Variants in AXIN1 observed in about 807,000 individuals in gnomAD.
AXIN1 encodes axin 1.
In AXIN1, 30 loss-of-function variants were observed where a neutral mutation model predicts 76.4. The ratio of observed to expected loss-of-function variants is 0.39; its 90% CI spans 0.29 to 0.53. The LOEUF (loss-of-function observed/expected upper bound fraction) is 0.53, where lower values mean the gene tolerates loss of function less well. AXIN1 is among the 20% of genes least tolerant of loss of function. AXIN1 has a pLI of 0.66. For synonymous variants in AXIN1, 545 were observed against 501.4 expected (o/e 1.09, Z -1.16); for missense variants, 1,140 against 1,198.8 (o/e 0.95, Z 0.72).
At chr16:341,936 G>A (rs1221212123) in intron 2 of AXIN1, among the ~76,000 whole-genome samples, 1 of 152,172 alleles carries the variant, frequency 6.6e-6, no homozygotes, top group Non-Finnish European at 1.5e-5. Flanking sequence ...TGAGGATGTG[G>A]AGAAGCTTTG....
chr16:350,342 C>G (rs1219125848), intron 1 of AXIN1, among the ~76,000 whole-genome samples: 1 of 152,230 alleles, frequency 6.6e-6, no homozygotes, highest in African/African-American at 2.4e-5. Context: ...GTCACGTTTA[C>G]TCAGTTCAGT....
intron 8 of AXIN1, 30 bp from the exon 9 acceptor site, chr16:291,327 G>A (rs1238073141): frequency 6.5e-7 from 1 of 1,543,050 alleles, no homozygotes; most frequent in Non-Finnish European, 8.8e-7. Flanking sequence ...AAAGGTGGCT[G>A]TGCCGGCGGC....
chr16:319,024 C>G (rs2053377865), intron 2 of AXIN1, among the ~76,000 whole-genome samples: 1 of 152,068 alleles, frequency 6.6e-6, no homozygotes, highest in African/African-American at 2.4e-5. Context: ...AGAGCTGTGC[C>G]CAGCCCCCCA....
intron 2 of AXIN1, among the ~76,000 whole-genome samples, chr16:335,539 C>G (rs921665143): frequency 3.3e-5 from 5 of 151,818 alleles, no homozygotes; most frequent in African/African-American, 9.7e-5. Context: ...ACACCAATAA[C>G]ATAGCACCCA....
Position 346,990 on chromosome 16 carries a change from G to A in AXIN1, c.36C>T (p.Leu12=), listed in dbSNP as rs202194713. ...GAGCATCTTCGGTGAAACTTGCTCC[G>A]AGGTCCAAGGGGAAACCCTGCTCTT... The part of the protein sequence containing the change: ...NIQEQGFPLD[L]GASFTEDAPR... Residue 12 remains leucine, a synonymous_variant, in exon 2 of 11, where the codon CTC becomes CTT. Transcript: ENST00000262320. 14 of 1,614,198 alleles carry A rather than the reference G, an allele frequency of 8.7e-6. No individual in the cohort carries two copies. The highest frequency in any genetic ancestry group is 1.2e-5 in the Non-Finnish European group (14 of 1,180,038).
At chr16:312,557 C>T (rs1386099330) in intron 3 of AXIN1, among the ~76,000 whole-genome samples, 2 of 152,176 alleles carry the variant, frequency 1.3e-5, no homozygotes, top group Non-Finnish European at 2.9e-5. Flanking sequence ...CTGCACTGCA[C>T]CCAACCACCT....
intron 2 of AXIN1, among the ~76,000 whole-genome samples, chr16:319,128 C>T (rs1452554868): frequency 6.6e-6 from 1 of 152,200 alleles, no homozygotes; most frequent in Non-Finnish European, 1.5e-5. Flanking sequence ...CTGGGAGACC[C>T]TGTAGAGCCA....
intron 2 of AXIN1, among the ~76,000 whole-genome samples, chr16:327,379 G>T (rs2053606696): frequency 6.6e-6 from 1 of 152,198 alleles, no homozygotes; most frequent in Admixed American, 6.5e-5. Context: ...AAGGGCAAGA[G>T]AATGAGTCAC....
At chr16:326,368 A>ATTATATATATATATAT (rs1555483785) in intron 2 of AXIN1, among the ~76,000 whole-genome samples, 1 of 90,430 alleles carries the variant, frequency 1.1e-5, no homozygotes, top group African/African-American at 6.0e-5. Context: ...AAAAAAAAAA[A>ATTATATATATATATAT]AAAAATATAT....
intron 5 of AXIN1, among the ~76,000 whole-genome samples, chr16:302,664 G>A (rs1410627551): frequency 3.9e-5 from 6 of 152,232 alleles, no homozygotes; most frequent in African/African-American, 1.2e-4. Context: ...CCCGGGTAGC[G>A]GGTGAAAGAG....
At chr16:321,581 G>T (rs2053457440) in intron 2 of AXIN1, among the ~76,000 whole-genome samples, 1 of 152,242 alleles carries the variant, frequency 6.6e-6, no homozygotes, top group Non-Finnish European at 1.5e-5. Flanking sequence ...GGAATACGAG[G>T]TAGAAGGTGG....
chr16:339,860 G>A (rs1348788882), intron 2 of AXIN1, among the ~76,000 whole-genome samples: 6 of 152,036 alleles, frequency 3.9e-5, no homozygotes, highest in East Asian at 1.9e-4. Flanking sequence ...GCCTGGGGGC[G>A]ACCCCACCCT....
At chr16:328,339 GC>G (rs2141648116) in intron 2 of AXIN1, among the ~76,000 whole-genome samples, 1 of 152,244 alleles carries the variant, frequency 6.6e-6, no homozygotes, top group East Asian at 1.9e-4. Context: ...GCTGCAGTGA[GC>G]CATGATCATG....
At chr16:328,025 G>A (rs1050658176) in intron 2 of AXIN1, among the ~76,000 whole-genome samples, 1 of 152,190 alleles carries the variant, frequency 6.6e-6, no homozygotes, top group South Asian at 2.1e-4. Flanking sequence ...GAGGCAGAAT[G>A]CCTTAAAGCC....
intron 8 of AXIN1, chr16:291,666 T>G (rs915696208): frequency 2.2e-5 from 8 of 361,980 alleles, no homozygotes; most frequent in Admixed American, 8.0e-5. Flanking sequence ...TCCCCACCGA[T>G]AGCGTGGACA....
At chr16:347,196 G>T in intron 1 of AXIN1, 90 bp from the exon 2 acceptor site, 1 of 1,134,444 alleles carries the variant, frequency 8.8e-7, no homozygotes, top group South Asian at 1.4e-5. Flanking sequence ...TCACGATGAC[G>T]CCCTCCCGCT....
intron 1 of AXIN1, among the ~76,000 whole-genome samples, chr16:350,049 CA>C (rs1273905876): frequency 6.6e-6 from 1 of 152,198 alleles, no homozygotes; most frequent in Non-Finnish European, 1.5e-5. Context: ...CTCGGCCTCC[CA>C]AAGTGTTGGG....
chr16:310,226 C>T (rs1425572165), intron 3 of AXIN1, among the ~76,000 whole-genome samples, 157 bp from the exon 4 acceptor site: 1 of 152,196 alleles, frequency 6.6e-6, no homozygotes, highest in African/African-American at 2.4e-5. Flanking sequence ...GTGATGCAGG[C>T]ACCCATGTGT....
intron 5 of AXIN1, among the ~76,000 whole-genome samples, chr16:300,985 T>G (rs1452674431): frequency 6.6e-6 from 1 of 152,184 alleles, no homozygotes; most frequent in Non-Finnish European, 1.5e-5. Flanking sequence ...TGAAAATAGG[T>G]TATTTAAAAA....
Sources: allele counts gnomAD v4.1 joint callset (sites outside exome capture counted in the v4.1 genomes callset), GRCh38; gene constraint gnomAD v4.1.1; transcripts MANE v1.5; gene names NCBI Gene and HGNC (gene_info 2026-07-23, HGNC 2026-07-21).